Variants in CMSS1 observed in about 807,000 individuals in gnomAD.
The protein encoded by CMSS1 is cms1 ribosomal small subunit homolog, also known as protein CMSS1.
In CMSS1, 33 loss-of-function variants were observed where a neutral mutation model predicts 43.5. The ratio of observed to expected loss-of-function variants is 0.76; its 90% CI spans 0.57 to 1.01. CMSS1 has a LOEUF of 1.01. Ranked by LOEUF, CMSS1 falls within the 50% of genes least tolerant of loss-of-function variation. The pLI is 0.00. For missense variants in CMSS1, 313 were observed against 326.4 expected (o/e 0.96, Z 0.32); for synonymous variants, 115 against 117.2 (o/e 0.98, Z 0.12).
Position 100,083,290 on chromosome 3 carries a change from G to A in CMSS1, c.65-63683G>A, listed in dbSNP as rs185300639. Among the ~76,000 whole-genome samples, 543 of 152,240 alleles carry A rather than the reference G, an allele frequency of 3.6e-3. 7 individuals are homozygous for A. Among genetic ancestry groups the A allele is most frequent in the African/African-American group, 0.013 (523 of 41,550 alleles). On this transcript the variant is annotated intron_variant, in intron 1 of 9. Coordinates refer to ENST00000421999, the MANE Select transcript of CMSS1 (RefSeq NM_032359.4). The stretch of plus-strand genomic sequence containing the variant: ...GTAATTATTTGTTTTTATCTTGACC[G>A]ACTAGTTAATTGCCAAAGGATTATT...
In CMSS1 at chr3:100,176,356, C is replaced by T; in HGVS notation, c.697C>T (p.Leu233=). The part of the protein sequence containing the change: ...GGLNLSPLKF[L]VFDWNWRDQK... ...CCTTAATTTGAGCCCCTTAAAATTT[C>T]TGGTTTTTGACTGGAACTGGAGAGA... is the stretch of plus-strand genomic sequence containing the variant. The change falls in exon 9 of 10, where the codon CTG becomes TTG. Residue 233 remains leucine (L), a synonymous_variant. Coordinates refer to ENST00000421999, the MANE Select transcript of CMSS1 (RefSeq NM_032359.4). The T allele has an allele frequency of 6.2e-7, 1 of 1,613,618 alleles. No individual in the cohort carries two copies. The highest frequency in any genetic ancestry group is 8.5e-7 in the Non-Finnish European group (1 of 1,179,612).
At chr3:99,818,533 A>G (rs1201100992) in intron 1 of CMSS1, among the ~76,000 whole-genome samples, 1 of 152,250 alleles carries the variant, frequency 6.6e-6, no homozygotes, top group African/African-American at 2.4e-5. Context: ...AAGTGAAGTT[A>G]GTACAGTAAT....
intron 1 of CMSS1, among the ~76,000 whole-genome samples, chr3:99,998,076 T>G (rs1238541329): frequency 6.6e-6 from 1 of 152,210 alleles, no homozygotes; most frequent in Non-Finnish European, 1.5e-5. Flanking sequence ...GTTTAACTTG[T>G]GAGTTAAAAC....
chr3:100,016,812 C>T (rs1022382327), intron 1 of CMSS1, among the ~76,000 whole-genome samples: 1 of 152,142 alleles, frequency 6.6e-6, no homozygotes, highest in South Asian at 2.1e-4. Context: ...TATCTCTTTT[C>T]TTAATAGTGC....
chr3:99,964,913 A>G (rs1708602392), intron 1 of CMSS1, among the ~76,000 whole-genome samples: 1 of 152,178 alleles, frequency 6.6e-6, no homozygotes, highest in Non-Finnish European at 1.5e-5. Context: ...CACAGATACA[A>G]TAGTTTCCCA....
intron 1 of CMSS1, among the ~76,000 whole-genome samples, chr3:99,986,296 A>G (rs1709340362): frequency 6.6e-6 from 1 of 152,206 alleles, no homozygotes. Context: ...TTTTTCATGA[A>G]GCTTGTGGCA....
rs991678183 is a variant in CMSS1, at chr3:99,819,917, G to A, written c.64+1874G>A. 5.3e-5 allele frequency among the ~76,000 whole-genome samples: 8 copies of A among 151,850 alleles called. No homozygotes were observed. The East Asian group carries it at 7.8e-4, about 15-fold the overall frequency. On this transcript the variant is annotated intron_variant, in intron 1 of 9. Transcript: ENST00000421999. ...TTACAGGTGCCCGCCACCACACCCA[G>A]CTAATTTTTGTATTTTTAGTAGAGA...
At chr3:100,133,946 C>T (rs112389640) in intron 1 of CMSS1, among the ~76,000 whole-genome samples, 8 of 152,216 alleles carry the variant, frequency 5.3e-5, no homozygotes, top group South Asian at 4.2e-4. Flanking sequence ...TTTACATTAA[C>T]GGGATACATT....
chr3:99,886,649 A>T (rs748063710), intron 1 of CMSS1, among the ~76,000 whole-genome samples: 32 of 152,274 alleles, frequency 2.1e-4, no homozygotes, highest in Non-Finnish European at 2.2e-4. Context: ...TGAAGTAAGA[A>T]TATTTTAAAA....
At chr3:100,139,613 G>GTATA (rs71132513) in intron 1 of CMSS1, among the ~76,000 whole-genome samples, 14 of 83,624 alleles carry the variant, frequency 1.7e-4, no homozygotes, top group East Asian at 1.2e-3. Context: ...ATGTGTGTGT[G>GTATA]TATATATATA....
chr3:99,987,321 G>A (rs1709371067), intron 1 of CMSS1, among the ~76,000 whole-genome samples: 1 of 151,852 alleles, frequency 6.6e-6, no homozygotes, highest in Admixed American at 6.6e-5. Flanking sequence ...TTGAGGTCAG[G>A]AGTTCAAGAC....
chr3:100,061,132 T>A (rs1186678559), intron 1 of CMSS1, among the ~76,000 whole-genome samples: 2 of 151,742 alleles, frequency 1.3e-5, no homozygotes, highest in African/African-American at 2.4e-5. Context: ...AAGGCACTGT[T>A]AAAATTTAAA....
intron 1 of CMSS1, among the ~76,000 whole-genome samples, chr3:100,065,322 A>T (rs932174187): frequency 6.6e-6 from 1 of 152,158 alleles, no homozygotes; most frequent in African/African-American, 2.4e-5. Flanking sequence ...CTAAATTGCA[A>T]TTCTCAGGCC....
At chr3:100,072,096 T>G (rs908072103) in intron 1 of CMSS1, among the ~76,000 whole-genome samples, 5 of 152,208 alleles carry the variant, frequency 3.3e-5, no homozygotes, top group African/African-American at 4.8e-5. Flanking sequence ...AAGAGAAAGA[T>G]GGACTCATCA....
chr3:100,062,093 CTTTTTTTTTT>C (rs71907944), intron 1 of CMSS1, among the ~76,000 whole-genome samples: 4 of 53,176 alleles, frequency 7.5e-5, no homozygotes, highest in South Asian at 1.2e-3. Flanking sequence ...CTGTCTTCTT[CTTTTTTTTTT>C]TTTTTTTTTT....
At chr3:99,858,866 G>A (rs929394390) in intron 1 of CMSS1, among the ~76,000 whole-genome samples, 7 of 152,202 alleles carry the variant, frequency 4.6e-5, no homozygotes, top group Admixed American at 2.6e-4. Context: ...CTGGAAAAGC[G>A]TCTGGTTTGG....
chr3:99,944,848 G>A (rs143288158), intron 1 of CMSS1, among the ~76,000 whole-genome samples: 1,710 of 152,280 alleles, frequency 0.011, 18 homozygotes, highest in African/African-American at 0.025. Flanking sequence ...GCATCACAAA[G>A]TGGTGAGAAG....
intron 1 of CMSS1, among the ~76,000 whole-genome samples, chr3:99,995,785 C>T (rs1320227950): frequency 1.3e-5 from 2 of 152,220 alleles, no homozygotes; most frequent in East Asian, 3.9e-4. Context: ...AGCCACAGCT[C>T]AAGGTCTGCG....
chr3:99,829,527 T>C (rs1473706373), intron 1 of CMSS1, among the ~76,000 whole-genome samples: 6 of 152,234 alleles, frequency 3.9e-5, no homozygotes, highest in African/African-American at 1.4e-4. Context: ...TTCACTTTCC[T>C]GTTTTACATG....
Sources: allele counts gnomAD v4.1 joint callset (sites outside exome capture counted in the v4.1 genomes callset), GRCh38; gene constraint gnomAD v4.1.1; transcripts MANE v1.5; gene names NCBI Gene and HGNC (gene_info 2026-07-23, HGNC 2026-07-21).